The following POU5F1 variants were observed in gnomAD, a reference collection of about 807,000 sequenced individuals.
POU5F1 encodes the protein POU class 5 homeobox 1, also known as POU domain, class 5, transcription factor 1.
Under a neutral mutation model 38.3 loss-of-function variants are expected in POU5F1, and 6 were observed. The observed-to-expected ratio is 0.16, with a 90% confidence interval of 0.09 to 0.31. POU5F1 has a LOEUF of 0.31. POU5F1 is among the 10% of genes least tolerant of loss of function. The pLI, the probability that POU5F1 is intolerant of heterozygous loss-of-function variation, is 1.00. For synonymous variants in POU5F1, 147 were observed against 194.9 expected (o/e 0.75, Z 2.05); for missense variants, 286 against 462.6 (o/e 0.62, Z 3.50).
rs1034417642 is a variant in POU5F1 at position 31,165,373 on chromosome 6, C to T, written c.658-87G>A. On this transcript the variant is annotated intron_variant, in intron 3 of 4. Transcript: ENST00000259915. The surrounding 1 kb of genome is among the most constrained non-coding windows in gnomAD (Gnocchi z 6.5). ...AGGGGTCTGTGACTAGATGTGTCAGCAGAGCCAGGTGGTGGTGTGAAAAGG... is the reference window on the plus strand; with the variant it reads ...AGGGGTCTGTGACTAGATGTGTCAGTAGAGCCAGGTGGTGGTGTGAAAAGG... 14 of 1,569,410 alleles carry T rather than the reference C, an allele frequency of 8.9e-6. No individual in the cohort carries two copies. In the African/African-American group the frequency reaches 1.9e-4, roughly 21 times the overall value.
At chr6:31,167,981 C>T (rs576334436) in intron 1 of POU5F1, among the ~76,000 whole-genome samples, 6 of 152,158 alleles carry the variant, frequency 3.9e-5, no homozygotes, top group East Asian at 1.9e-4. Context: ...CTCGTTCTAT[C>T]GCCCAGGCTG....
rs1173963542 is a variant in POU5F1 at position 31,170,562 on chromosome 6, T to A, written c.59A>T (p.Asp20Val). 6.4e-7 allele frequency: 1 copy of A among 1,569,508 alleles called. No homozygotes were observed. The highest frequency in any genetic ancestry group is 8.6e-7 in the Non-Finnish European group (1 of 1,158,090). ...AFSPPPGGGG[D>V]GPGGPEPGWV... ...GCCCGGCTCCGGCCCCCCTGGCCCA[T>A]CACCTCCACCACCTGGAGGGGGCGA... The change falls in exon 1 of 5, where the codon GAT (aspartate) becomes GTT (valine). Residue 20 changes from aspartate (D) to valine (V), a missense_variant. Physicochemically the swap from Asp to Val is radical, Grantham distance 152 (BLOSUM62 -3). Around this residue, in one of 2 missense-constraint regions of POU5F1, gnomAD observed 176 missense variants for 184.8 expected, o/e 0.95. Transcript: ENST00000259915.
At position 31,165,606 on chromosome 6, in the gene POU5F1, C is replaced by G; in HGVS notation, c.622G>C (p.Val208Leu). The change falls in exon 3 of 5, where the codon GTG becomes CTG. Residue 208 changes from valine to leucine, a missense_variant. Val to Leu is a conservative substitution (Grantham distance 32). Around this residue, in one of 2 missense-constraint regions of POU5F1, gnomAD observed 110 missense variants for 277.8 expected, o/e 0.40. Transcript: ENST00000259915. The surrounding 1 kb of genome is among the most constrained non-coding windows in gnomAD (Gnocchi z 6.5). Reference sequence around the variant, plus strand: ...TTTTCATTGTTGTCAGCTTCCTCCACCCACTTCTGCAGCAAGGGCCGCAGC... The same window carrying G: ...TTTTCATTGTTGTCAGCTTCCTCCAGCCACTTCTGCAGCAAGGGCCGCAGC... ...CKLRPLLQKW[V>L]EEADNNENLQ... is the part of the protein sequence containing the mutation. 1 of 1,614,200 alleles carries G rather than the reference C, an allele frequency of 6.2e-7. No homozygotes were observed. Among genetic ancestry groups the G allele is most frequent in the Non-Finnish European group, 8.5e-7 (1 of 1,180,040 alleles).
At position 31,170,565 on chromosome 6, in the gene POU5F1, C is replaced by A. The variant is rs1467014406; in HGVS notation, c.56G>T (p.Gly19Val). The A allele has an allele frequency of 1.3e-6, 2 of 1,568,676 alleles. No homozygotes were observed. The highest frequency in any genetic ancestry group is 1.7e-6 in the Non-Finnish European group (2 of 1,157,526). The change falls in exon 1 of 5, where the codon GGT becomes GTT. Residue 19 changes from glycine to valine, a missense_variant. Physicochemically the swap from Gly to Val is moderately radical, Grantham distance 109. Transcript: ENST00000259915. The stretch of plus-strand genomic sequence containing the variant: ...CGGCTCCGGCCCCCCTGGCCCATCA[C>A]CTCCACCACCTGGAGGGGGCGAGAA... ...FAFSPPPGGG[G>V]DGPGGPEPGW...
intron 1 of POU5F1, 117 bp from the exon 2 acceptor site, chr6:31,166,164 G>T (rs746349953): frequency 6.2e-7 from 1 of 1,608,670 alleles, no homozygotes; most frequent in Non-Finnish European, 8.5e-7. Flanking sequence ...CTGTAGAAGT[G>T]CCTCTGCCTT....
rs1777148415 is a variant in POU5F1, at chr6:31,165,384, G to A, written c.658-98C>T. The A allele has an allele frequency of 1.9e-6, 3 of 1,564,728 alleles. No homozygotes were observed. The highest frequency in any genetic ancestry group is 1.4e-5 in the African/African-American group (1 of 73,880). On this transcript the variant is annotated intron_variant, in intron 3 of 4. Transcript: ENST00000259915. This position sits in a 1 kb window ranked among gnomAD's most constrained non-coding sequence, Gnocchi z 6.5. Reference sequence around the variant, plus strand: ...ACTAGATGTGTCAGCAGAGCCAGGTGGTGGTGTGAAAAGGCAGGATCCTGG... The same window carrying A: ...ACTAGATGTGTCAGCAGAGCCAGGTAGTGGTGTGAAAAGGCAGGATCCTGG...
chr6:31,169,107 C>T (rs1777487912), intron 1 of POU5F1, among the ~76,000 whole-genome samples: 1 of 152,174 alleles, frequency 6.6e-6, no homozygotes, highest in Non-Finnish European at 1.5e-5. Flanking sequence ...TGGTCCAAAT[C>T]CTCGCTTCAT....
chr6:31,167,670 T>C (rs1233245714), intron 1 of POU5F1, among the ~76,000 whole-genome samples: 1 of 151,084 alleles, frequency 6.6e-6, no homozygotes, highest in African/African-American at 2.4e-5. Context: ...ATCGCACCAC[T>C]GCACTCCAGC....
chr6:31,165,708 G>C lies in POU5F1; in HGVS notation c.527-7C>G. On this transcript the variant is annotated splice_polypyrimidine_tract_variant and splice_region_variant and intron_variant, in intron 2 of 4. Coordinates refer to ENST00000259915, the MANE Select transcript of POU5F1 (RefSeq NM_002701.6). The surrounding 1 kb of genome is among the most constrained non-coding windows in gnomAD (Gnocchi z 6.5). ...GTTTGGCTGAATACCTTCCCTGGGGGAGGCCAGTCAAAAGAGAAGCAAAGT... is the reference window on the plus strand; with the variant it reads ...GTTTGGCTGAATACCTTCCCTGGGGCAGGCCAGTCAAAAGAGAAGCAAAGT... The C allele has an allele frequency of 6.2e-7, 1 of 1,608,008 alleles. No individual in the cohort carries two copies.
At chr6:31,166,285 GGCACATCCAAGGGAT>G in intron 1 of POU5F1, 1 of 1,527,108 alleles carries the variant, frequency 6.5e-7, no homozygotes, top group South Asian at 1.2e-5. Context: ...CCCAGAAACT[GGCACATCCAAGGGAT>G]GCAGAGCATC....
chr6:31,168,238 CTTT>C lies in POU5F1; in HGVS notation c.405+1975_405+1977del, dbSNP rs9279006. On this transcript the variant is annotated intron_variant, in intron 1 of 4. Coordinates refer to ENST00000259915, the MANE Select transcript of POU5F1 (RefSeq NM_002701.6). ...TGTGAACCACCGCACCTAGCCTCACCTTTTTTTTTTTTTTTTTTGAGAGTTTCG... is the reference window on the plus strand; with the variant it reads ...TGTGAACCACCGCACCTAGCCTCACCTTTTTTTTTTTTTTTGAGAGTTTCG... Among the ~76,000 whole-genome samples the C allele has an allele frequency of 4.0e-3, 487 of 122,946 alleles. 5 individuals are homozygous for C. Among genetic ancestry groups the C allele is most frequent in the East Asian group, 0.018 (75 of 4,138 alleles). 80.7% of individuals were successfully genotyped at this position (122,946 alleles called of 152,430 possible).
At chr6:31,169,569 C>T (rs547942070) in intron 1 of POU5F1, among the ~76,000 whole-genome samples, 21 of 152,078 alleles carry the variant, frequency 1.4e-4, no homozygotes, top group Non-Finnish European at 2.9e-4. Context: ...AGGGTGTGCA[C>T]CTTAACACAG....
rs1052108705 is a variant in POU5F1, at chr6:31,165,217, C to T, written c.727G>A (p.Gly243Ser). Residue 243 changes from glycine to serine, a missense_variant, in exon 4 of 5, where the codon GGC becomes AGC. Gly to Ser is a moderately conservative substitution (Grantham distance 56). This residue lies in a region of POU5F1 where 110 missense variants were observed against 277.8 expected (regional missense o/e 0.40). Transcript: ENST00000259915. This position sits in a 1 kb window ranked among gnomAD's most constrained non-coding sequence, Gnocchi z 6.5. Reference protein sequence around the residue: ...KRTSIENRVRGNLENLFLQCP... With the variant: ...KRTSIENRVRSNLENLFLQCP... ...TGCAGGAACAAATTCTCCAGGTTGC[C>T]TCTCACTCGGTTCTCGATACTGGTT... 5.0e-6 allele frequency: 8 copies of T among 1,610,792 alleles called. No individual in the cohort carries two copies. The African/African-American group carries it at 6.7e-5, about 13-fold the overall frequency.
chr6:31,164,348 A>G lies in POU5F1; in HGVS notation c.*253T>C, dbSNP rs1777028855. 5 of 1,177,612 alleles carry G rather than the reference A, an allele frequency of 4.2e-6. No individual in the cohort carries two copies. Among genetic ancestry groups the G allele is most frequent in the Non-Finnish European group, 5.8e-6 (5 of 858,686 alleles). The allele number at this position is 1,177,612 out of a possible 1,614,324, so 72.9% of individuals were successfully genotyped here. Reference sequence around the variant, plus strand: ...AGGACAAACCAAGATAAGTGTGTCTATCTACTGTGTCCCAGGCTTCTTTAT... The same window carrying G: ...AGGACAAACCAAGATAAGTGTGTCTGTCTACTGTGTCCCAGGCTTCTTTAT... On this transcript the variant is annotated 3_prime_UTR_variant, in exon 5 of 5. Transcript: ENST00000259915.
intron 1 of POU5F1, chr6:31,166,464 G>A: frequency 7.8e-7 from 1 of 1,288,534 alleles, no homozygotes; most frequent in African/African-American, 1.5e-5. Flanking sequence ...TTCAAGACCA[G>A]CATGGCCAAC....
At chr6:31,166,200 A>T (rs1349458032) in intron 1 of POU5F1, 153 bp from the exon 2 acceptor site, 74 of 1,569,880 alleles carry the variant, frequency 4.7e-5, no homozygotes, top group Non-Finnish European at 6.2e-5. Flanking sequence ...AACTTCTAGA[A>T]ATAACCTACC....
intron 1 of POU5F1, 129 bp from the exon 2 acceptor site, chr6:31,166,176 C>A: frequency 6.3e-7 from 1 of 1,598,488 alleles, no homozygotes; most frequent in South Asian, 1.1e-5. Flanking sequence ...CTCTGCCTTC[C>A]AAGCTGCCCA....
At chr6:31,166,687 T>A in intron 1 of POU5F1, 1 of 1,177,766 alleles carries the variant, frequency 8.5e-7, no homozygotes, top group Non-Finnish European at 1.1e-6. Flanking sequence ...AGATAGTTCA[T>A]TTAATACCTG....
chr6:31,165,265 C>T lies in POU5F1; in HGVS notation c.679G>A (p.Val227Met), dbSNP rs750755680. 24 of 1,611,052 alleles carry T rather than the reference C, an allele frequency of 1.5e-5. No individual in the cohort carries two copies. The highest frequency in any genetic ancestry group is 3.3e-5 in the Admixed American group (2 of 59,818). ...LQEICKAETL[V>M]QARKRKRTSI... ...GTTCGCTTTCTCTTTCGGGCCTGCA[C>T]GAGGGTTTCTGCTTTGCATATCTGT... Residue 227 changes from valine to methionine, a missense_variant, in exon 4 of 5, where the codon GTG becomes ATG. Physicochemically the swap from Val to Met is conservative, Grantham distance 21 (BLOSUM62 1). Around this residue, in one of 2 missense-constraint regions of POU5F1, gnomAD observed 110 missense variants for 277.8 expected, o/e 0.40. Coordinates refer to ENST00000259915, the MANE Select transcript of POU5F1 (RefSeq NM_002701.6). This position sits in a 1 kb window ranked among gnomAD's most constrained non-coding sequence, Gnocchi z 6.5.
Sources: gnomAD v4.1 joint callset for allele counts (sites outside exome capture counted in the v4.1 genomes callset) on GRCh38, gnomAD v4.1.1 for gene constraint, gnomAD v4.1.1 regional missense constraint, Gnocchi (gnomAD v3.1) non-coding constraint, MANE v1.5 for transcripts, NCBI Gene and HGNC (gene_info 2026-07-23, HGNC 2026-07-21) for gene names.